The following PDE8B variants were observed in gnomAD, a reference collection of about 807,000 sequenced individuals.
The protein encoded by PDE8B is phosphodiesterase 8B.
PDE8B carries 26 observed loss-of-function variants against 101.3 expected under a neutral mutation model. That is an observed-to-expected ratio of 0.26 (90% CI 0.19 to 0.36). The LOEUF (loss-of-function observed/expected upper bound fraction) is 0.36, where lower values mean the gene tolerates loss of function less well. PDE8B is among the 10% of genes least tolerant of loss of function. PDE8B has a pLI of 1.00. For missense variants in PDE8B, 810 were observed against 1,163.1 expected (o/e 0.70, Z 4.42); for synonymous variants, 424 against 429.3 (o/e 0.99, Z 0.15).
the PDE8B span, among the ~76,000 whole-genome samples, chr5:77,163,847 C>T: frequency 0.08 from 12,208 of 152,222 alleles, 589 homozygotes; most frequent in African/African-American, 0.14. Flanking sequence ...ACTCCATATT[C>T]TTTACAAGCA....
chr5:77,100,750 A>T, the PDE8B span, among the ~76,000 whole-genome samples: 1 of 152,074 alleles, frequency 6.6e-6, no homozygotes, highest in African/African-American at 2.4e-5. Flanking sequence ...GGCTTATCCC[A>T]CCGTGATTTC....
intron 1 of PDE8B, among the ~76,000 whole-genome samples, chr5:77,292,652 C>T (rs1278102013): frequency 6.6e-6 from 1 of 152,130 alleles, no homozygotes; most frequent in Non-Finnish European, 1.5e-5. Context: ...GGTTTTACAG[C>T]CCATTTGTGT....
chr5:77,180,494 C>A, the PDE8B span: 1 of 985,244 alleles, frequency 1.0e-6, no homozygotes, highest in Non-Finnish European at 1.2e-6. Flanking sequence ...CAGGTGAGCC[C>A]CCAGCGCGGG....
intron 1 of PDE8B, among the ~76,000 whole-genome samples, chr5:77,269,575 C>T (rs181599920): frequency 6.6e-6 from 1 of 152,234 alleles, no homozygotes; most frequent in East Asian, 1.9e-4. Context: ...AGAGTTTCCC[C>T]AGTGTTTTCT....
the PDE8B span, among the ~76,000 whole-genome samples, chr5:77,200,018 C>T: frequency 6.7e-6 from 1 of 148,858 alleles, no homozygotes; most frequent in East Asian, 2.0e-4. Flanking sequence ...CAGGTTTAAA[C>T]TCTATATAGT....
At chr5:77,183,619 A>T in the PDE8B span, among the ~76,000 whole-genome samples, 1 of 152,222 alleles carries the variant, frequency 6.6e-6, no homozygotes, top group Non-Finnish European at 1.5e-5. Context: ...ATAGAGATTT[A>T]AAAATCTTTT....
chr5:77,187,253 A>G, the PDE8B span, among the ~76,000 whole-genome samples: 112 of 152,342 alleles, frequency 7.4e-4, no homozygotes, highest in African/African-American at 2.6e-3. Context: ...TAAATTTGAT[A>G]TTGATGAGGC....
the PDE8B span, among the ~76,000 whole-genome samples, chr5:77,185,601 G>A: frequency 6.6e-6 from 1 of 152,090 alleles, no homozygotes; most frequent in East Asian, 1.9e-4. Context: ...ATAACACATT[G>A]TCTCTGTCAG....
At position 77,397,064 on chromosome 5, in the gene PDE8B, A is replaced by G. The variant is rs867576507; in HGVS notation, c.1168-3184A>G. Among the ~76,000 whole-genome samples the G allele has an allele frequency of 4.7e-5, 4 of 86,012 alleles. No homozygotes were observed. The South Asian group carries it at 1.3e-3, about 27-fold the overall frequency. The allele number at this position is 86,012 out of a possible 152,430, so 56.4% of individuals were successfully genotyped here. A position where few individuals can be genotyped will look rare whatever the true frequency, so the allele number is the denominator to read the frequency against. ...TTTTTTTTTTTTGAGGCAGAGTGTCACTGTGTTACCCAGGCTGGAGTACAG... is the reference window on the plus strand; with the variant it reads ...TTTTTTTTTTTTGAGGCAGAGTGTCGCTGTGTTACCCAGGCTGGAGTACAG... On this transcript the variant is annotated intron_variant, in intron 10 of 21. Transcript: ENST00000264917.
At chr5:77,235,501 A>G (rs2050106332) in intron 1 of PDE8B, among the ~76,000 whole-genome samples, 1 of 152,192 alleles carries the variant, frequency 6.6e-6, no homozygotes. Context: ...CGGGGCATTC[A>G]TTCATTCATT....
chr5:77,346,648 G>A (rs1400251499), intron 7 of PDE8B, among the ~76,000 whole-genome samples: 1 of 152,214 alleles, frequency 6.6e-6, no homozygotes, highest in Non-Finnish European at 1.5e-5. Context: ...CATGAGGCCA[G>A]TATAACAGAT....
the PDE8B span, among the ~76,000 whole-genome samples, chr5:77,154,283 A>G: frequency 1.3e-5 from 2 of 152,202 alleles, no homozygotes; most frequent in Non-Finnish European, 2.9e-5. Flanking sequence ...GCTATCAGAT[A>G]TTATTAGCTC....
chr5:77,166,328 C>G, the PDE8B span, among the ~76,000 whole-genome samples: 115,694 of 151,898 alleles, frequency 0.76, 44,706 homozygotes, highest in East Asian at 0.93. Context: ...AGGCCACCGG[C>G]TTGTCTTCGG....
chr5:77,262,757 ATGCCAGC>A (rs2149712402), intron 1 of PDE8B, among the ~76,000 whole-genome samples: 1 of 152,344 alleles, frequency 6.6e-6, no homozygotes, highest in Admixed American at 6.5e-5. Flanking sequence ...CCTACCAAGG[ATGCCAGC>A]TGGACTTGAA....
the PDE8B span, among the ~76,000 whole-genome samples, chr5:77,102,084 T>C: frequency 6.6e-6 from 1 of 152,176 alleles, no homozygotes. Flanking sequence ...AATTTGAGGC[T>C]CTTCCCTAAG....
chr5:77,346,912 T>C (rs757204457), intron 7 of PDE8B, among the ~76,000 whole-genome samples: 8 of 152,236 alleles, frequency 5.3e-5, no homozygotes, highest in Non-Finnish European at 8.8e-5. Flanking sequence ...AGTTAATATA[T>C]GTTCTTACTT....
At chr5:77,163,544 T>C in the PDE8B span, among the ~76,000 whole-genome samples, 9 of 152,228 alleles carry the variant, frequency 5.9e-5, no homozygotes, top group Admixed American at 5.2e-4. Flanking sequence ...ATAACCACTA[T>C]GAACAGTTTG....
intron 10 of PDE8B, among the ~76,000 whole-genome samples, chr5:77,358,861 G>A (rs779383018): frequency 2.6e-5 from 4 of 152,170 alleles, no homozygotes; most frequent in East Asian, 3.8e-4. Context: ...CTTTGTACAC[G>A]TGCACCTTAT....
chr5:77,313,040 T>C (rs905907173), intron 2 of PDE8B, among the ~76,000 whole-genome samples: 2 of 152,232 alleles, frequency 1.3e-5, no homozygotes, highest in African/African-American at 4.8e-5. Context: ...TCTAAATCCT[T>C]ATCTGCATAT....
Sources: gnomAD v4.1 joint callset for allele counts (sites outside exome capture counted in the v4.1 genomes callset) on GRCh38, gnomAD v4.1.1 for gene constraint, MANE v1.5 for transcripts, NCBI Gene and HGNC (gene_info 2026-07-23, HGNC 2026-07-21) for gene names.